The following KCNB2 variants were observed in gnomAD, a reference collection of about 807,000 sequenced individuals.
KCNB2 encodes potassium voltage-gated channel subfamily B member 2.
KCNB2 carries 15 observed loss-of-function variants against 61.5 expected under a neutral mutation model. The ratio of observed to expected loss-of-function variants is 0.24; its 90% confidence interval spans 0.16 to 0.38. The LOEUF is 0.38. Among genes scored for constraint, KCNB2 ranks in the 10% least tolerant of loss-of-function variants. KCNB2 has a pLI of 1.00. For synonymous variants in KCNB2, 457 were observed against 446.0 expected (o/e 1.02, Z -0.31); for missense variants, 828 against 1,125.2 (o/e 0.74, Z 3.78).
At chr8:72,718,990 T>A (rs1807498997) in intron 2 of KCNB2, among the ~76,000 whole-genome samples, 1 of 152,020 alleles carries the variant, frequency 6.6e-6, no homozygotes, top group Non-Finnish European at 1.5e-5. Context: ...AATGTCAAGA[T>A]AAGGGTTATG....
chr8:72,684,377 C>T (rs1243640845), intron 2 of KCNB2, among the ~76,000 whole-genome samples: 1 of 152,152 alleles, frequency 6.6e-6, no homozygotes, highest in Non-Finnish European at 1.5e-5. Context: ...GTCAGGGCTG[C>T]AGATGTGGCA....
At chr8:72,608,885 A>G (rs1014748478) in intron 2 of KCNB2, among the ~76,000 whole-genome samples, 4 of 152,312 alleles carry the variant, frequency 2.6e-5, no homozygotes, top group Non-Finnish European at 4.4e-5. Flanking sequence ...ATTGATGTCA[A>G]CCATCCAAAG....
chr8:72,858,852 C>T (rs1488744469), intron 2 of KCNB2, among the ~76,000 whole-genome samples: 1 of 152,202 alleles, frequency 6.6e-6, no homozygotes, highest in Non-Finnish European at 1.5e-5. Context: ...GGTTGCTCCT[C>T]TTCCTGGTAA....
chr8:72,640,566 C>T (rs1172716248), intron 2 of KCNB2, among the ~76,000 whole-genome samples: 1 of 152,040 alleles, frequency 6.6e-6, no homozygotes, highest in Admixed American at 6.6e-5. Context: ...CTGCTGGAAA[C>T]ACTTACGCTG....
At chr8:72,793,203 C>T (rs1390782732) in intron 2 of KCNB2, among the ~76,000 whole-genome samples, 1 of 152,098 alleles carries the variant, frequency 6.6e-6, no homozygotes, top group African/African-American at 2.4e-5. Flanking sequence ...TTGGTTTCTG[C>T]TTTTACCAAA....
At chr8:72,761,344 A>G (rs957971501) in intron 2 of KCNB2, among the ~76,000 whole-genome samples, 1 of 152,166 alleles carries the variant, frequency 6.6e-6, no homozygotes, top group East Asian at 1.9e-4. Flanking sequence ...TAGTCCTTCC[A>G]TGTGAGAGAA....
chr8:72,652,977 T>A (rs1806235824), intron 2 of KCNB2, among the ~76,000 whole-genome samples: 1 of 152,100 alleles, frequency 6.6e-6, no homozygotes, highest in Admixed American at 6.6e-5. Flanking sequence ...TCTCCTAGCT[T>A]CTGGTGTTTG....
chr8:72,725,565 GTATATA>G (rs111953660), intron 2 of KCNB2, among the ~76,000 whole-genome samples: 4 of 47,978 alleles, frequency 8.3e-5, no homozygotes, highest in African/African-American at 2.7e-4. Context: ...ATGTATATAT[GTATATA>G]TATGTATATA....
At position 72,645,446 on chromosome 8, in the gene KCNB2, A is replaced by G. The variant is rs374902030; in HGVS notation, c.579+77133A>G. Among the ~76,000 whole-genome samples, 5 of 152,028 alleles carry G rather than the reference A, an allele frequency of 3.3e-5. No homozygotes were observed. The East Asian group carries it at 7.7e-4, about 23-fold the overall frequency. On this transcript the variant is annotated intron_variant, in intron 2 of 2. Coordinates refer to ENST00000523207, the MANE Select transcript of KCNB2 (RefSeq NM_004770.3). ...TTTTTTTTAATATATCACAGCCCCA[A>G]TCCTGCCTTAGCTAGGCATAGTAAC...
chr8:72,664,586 C>A (rs1806435846), intron 2 of KCNB2, among the ~76,000 whole-genome samples: 1 of 152,170 alleles, frequency 6.6e-6, no homozygotes, highest in African/African-American at 2.4e-5. Context: ...AAAGACTTCC[C>A]TTTCTGATTT....
intron 2 of KCNB2, among the ~76,000 whole-genome samples, chr8:72,869,173 C>T (rs1430778155): frequency 1.3e-5 from 2 of 152,178 alleles, no homozygotes; most frequent in Admixed American, 6.5e-5. Context: ...CTGCCTTGAG[C>T]TTGATGACAG....
rs533655646 is a variant in KCNB2 at position 72,585,551 on chromosome 8, A to G, written c.579+17238A>G. On this transcript the variant is annotated intron_variant, in intron 2 of 2. Transcript: ENST00000523207. ...CAATGTTTTCTTTATTTCTTTTTCTAGAGACAGGGTCTCTCTATGTTACTC... is the reference window on the plus strand; with the variant it reads ...CAATGTTTTCTTTATTTCTTTTTCTGGAGACAGGGTCTCTCTATGTTACTC... Among the ~76,000 whole-genome samples, 5 of 152,274 alleles carry G rather than the reference A, an allele frequency of 3.3e-5. No individual in the cohort carries two copies. The South Asian group carries it at 1.0e-3, about 32-fold the overall frequency.
At chr8:72,659,871 C>A (rs1162986847) in intron 2 of KCNB2, among the ~76,000 whole-genome samples, 2 of 152,130 alleles carry the variant, frequency 1.3e-5, no homozygotes, top group Non-Finnish European at 2.9e-5. Flanking sequence ...ATAGTGTAAA[C>A]ATAACTCTTT....
At chr8:72,641,955 T>C (rs1460020644) in intron 2 of KCNB2, among the ~76,000 whole-genome samples, 1 of 152,184 alleles carries the variant, frequency 6.6e-6, no homozygotes, top group African/African-American at 2.4e-5. Flanking sequence ...GAAACACTTA[T>C]TCAGTGAATT....
intron 2 of KCNB2, among the ~76,000 whole-genome samples, chr8:72,726,132 A>G (rs1432123354): frequency 1.3e-5 from 2 of 152,174 alleles, no homozygotes; most frequent in African/African-American, 4.8e-5. Flanking sequence ...AATTAGGTTA[A>G]GATGAAATAA....
intron 2 of KCNB2, among the ~76,000 whole-genome samples, chr8:72,597,985 C>A (rs1391609209): frequency 3.9e-5 from 6 of 152,028 alleles, no homozygotes; most frequent in African/African-American, 1.4e-4. Context: ...TTGATATATA[C>A]CCAAAGGAAT....
intron 2 of KCNB2, among the ~76,000 whole-genome samples, chr8:72,747,682 G>A (rs1367808857): frequency 1.3e-5 from 2 of 152,186 alleles, no homozygotes; most frequent in African/African-American, 2.4e-5. Context: ...TAGAGATTCT[G>A]TAGGTTCTGT....
chr8:72,716,898 G>T, intron 2 of KCNB2, among the ~76,000 whole-genome samples: 1 of 148,576 alleles, frequency 6.7e-6, no homozygotes, highest in Admixed American at 6.8e-5. Flanking sequence ...TGACATGATT[G>T]TATATCTAGA....
intron 2 of KCNB2, among the ~76,000 whole-genome samples, chr8:72,777,775 A>G (rs1374670423): frequency 6.6e-6 from 1 of 152,202 alleles, no homozygotes; most frequent in Non-Finnish European, 1.5e-5. Context: ...AATACAGGAC[A>G]TTCTACCATT....
Sources: gnomAD v4.1 joint callset for allele counts (sites outside exome capture counted in the v4.1 genomes callset) on GRCh38, gnomAD v4.1.1 for gene constraint, MANE v1.5 for transcripts, NCBI Gene and HGNC (gene_info 2026-07-23, HGNC 2026-07-21) for gene names.